PTGR2: variants seen among roughly 807,000 people sequenced by gnomAD.
PTGR2 encodes prostaglandin reductase 2.
A neutral mutation model predicts 43.4 loss-of-function variants in PTGR2; 32 were observed. The observed-to-expected ratio is 0.74, with a 90% CI of 0.56 to 0.99. PTGR2 has a LOEUF of 0.99. Among genes scored for constraint, PTGR2 ranks in the 50% least tolerant of loss-of-function variants. The pLI is 0.00. For synonymous variants in PTGR2, 106 were observed against 139.2 expected (o/e 0.76, Z 1.68); for missense variants, 373 against 420.0 (o/e 0.89, Z 0.98).
chr14:73,882,876 A>G (rs939446585), intron 9 of PTGR2, among the ~76,000 whole-genome samples: 4 of 119,032 alleles, frequency 3.4e-5, no homozygotes, highest in South Asian at 5.4e-4. Flanking sequence ...GCTGGAGTGC[A>G]GTGGTATGAT....
intron 1 of PTGR2, among the ~76,000 whole-genome samples, chr14:73,856,064 A>G (rs996595969): frequency 6.6e-6 from 1 of 151,262 alleles, no homozygotes; most frequent in East Asian, 2.0e-4. Flanking sequence ...TCAAAAAAAA[A>G]AGAAAGAAAT....
At chr14:73,853,483 G>A (rs545947040) in intron 1 of PTGR2, among the ~76,000 whole-genome samples, 3 of 151,716 alleles carry the variant, frequency 2.0e-5, no homozygotes, top group Non-Finnish European at 2.9e-5. Flanking sequence ...CCACCACGCC[G>A]GGCTGATTTT....
chr14:73,864,062 A>G (rs564745584), intron 3 of PTGR2, among the ~76,000 whole-genome samples: 1 of 152,236 alleles, frequency 6.6e-6, no homozygotes, highest in East Asian at 1.9e-4. Context: ...CTGGCATAAT[A>G]TATGACCTTT....
chr14:73,864,010 A>G (rs2054550431), intron 3 of PTGR2, among the ~76,000 whole-genome samples: 1 of 152,160 alleles, frequency 6.6e-6, no homozygotes, highest in African/African-American at 2.4e-5. Flanking sequence ...CTCCTGCCTC[A>G]GCCTCCTGAG....
At chr14:73,875,870 G>A (rs945013836) in intron 4 of PTGR2, among the ~76,000 whole-genome samples, 35 of 132,930 alleles carry the variant, frequency 2.6e-4, no homozygotes, top group African/African-American at 9.0e-4. Flanking sequence ...CGCCCAGGCT[G>A]GAGTGCAGTG....
At chr14:73,880,593 A>C (rs111609763) in intron 7 of PTGR2, among the ~76,000 whole-genome samples, 2,677 of 130,518 alleles carry the variant, frequency 0.021, 42 homozygotes, top group South Asian at 0.038. Context: ...AAAACAAAAA[A>C]AAAAAAACAA....
rs902234069 is a variant in PTGR2, at chr14:73,884,387, T to C, written c.*210T>C. 1 of 382,302 alleles carries C rather than the reference T, an allele frequency of 2.6e-6. No homozygotes were observed. The allele number at this position is 382,302 out of a possible 1,614,324, so 23.7% of individuals were successfully genotyped here. A position where few individuals can be genotyped will look rare whatever the true frequency, so the allele number is the denominator to read the frequency against. On this transcript the variant is annotated 3_prime_UTR_variant, in exon 10 of 10. Transcript: ENST00000555661. The stretch of plus-strand genomic sequence containing the variant: ...ATTAATAACTTTTAGTAATTACTTT[T>C]ATTAATTTAAAATAGAACGCTTGAG...
At chr14:73,856,750 T>G (rs1566633514) in intron 1 of PTGR2, among the ~76,000 whole-genome samples, 1 of 152,204 alleles carries the variant, frequency 6.6e-6, no homozygotes, top group Non-Finnish European at 1.5e-5. Flanking sequence ...GTAAGTATAC[T>G]CTGATGTTCA....
intron 1 of PTGR2, among the ~76,000 whole-genome samples, chr14:73,854,583 A>G (rs2054301559): frequency 6.6e-6 from 1 of 152,244 alleles, no homozygotes; most frequent in Non-Finnish European, 1.5e-5. Flanking sequence ...TAATATACAT[A>G]TTAATATGTT....
intron 3 of PTGR2, among the ~76,000 whole-genome samples, chr14:73,867,873 G>C (rs1333874425): frequency 6.6e-6 from 1 of 152,186 alleles, no homozygotes; most frequent in African/African-American, 2.4e-5. Flanking sequence ...ACTGCAGCCA[G>C]AATGCCAGAG....
intron 3 of PTGR2, among the ~76,000 whole-genome samples, chr14:73,864,880 C>T (rs539189289): frequency 4.6e-5 from 7 of 152,178 alleles, no homozygotes; most frequent in Non-Finnish European, 8.8e-5. Flanking sequence ...CTTTGCCTCA[C>T]TTAAGGTCAT....
chr14:73,870,877 A>T (rs2054711103), intron 3 of PTGR2, among the ~76,000 whole-genome samples: 1 of 152,190 alleles, frequency 6.6e-6, no homozygotes, highest in Non-Finnish European at 1.5e-5. Context: ...GTTTAGCTAT[A>T]GGGAATTACT....
At chr14:73,876,601 G>A (rs2054871682) in intron 4 of PTGR2, among the ~76,000 whole-genome samples, 1 of 150,292 alleles carries the variant, frequency 6.7e-6, no homozygotes, top group Non-Finnish European at 1.5e-5. Context: ...TCAGCCTCCT[G>A]AGTAGCTGGG....
At chr14:73,852,315 G>C (rs2054248017) in intron 1 of PTGR2, among the ~76,000 whole-genome samples, 1 of 152,194 alleles carries the variant, frequency 6.6e-6, no homozygotes, top group Non-Finnish European at 1.5e-5. Flanking sequence ...AGGTTGGAGT[G>C]CAGTGGCGCG....
At chr14:73,883,375 A>C (rs1408698709) in intron 9 of PTGR2, among the ~76,000 whole-genome samples, 2 of 141,236 alleles carry the variant, frequency 1.4e-5, no homozygotes, top group African/African-American at 5.2e-5. Flanking sequence ...TTTTTTTTTT[A>C]ATTTTCCATA....
At chr14:73,854,867 T>C (rs1236549821) in intron 1 of PTGR2, among the ~76,000 whole-genome samples, 1 of 152,218 alleles carries the variant, frequency 6.6e-6, no homozygotes. Flanking sequence ...TTAAAGATTC[T>C]TGCCTGAAAA....
chr14:73,874,205 C>A lies in PTGR2; in HGVS notation c.339C>A (p.Ser113Arg), dbSNP rs1306275329. Residue 113 changes from serine (S) to arginine (R), a missense_variant, in exon 4 of 10, where the codon AGC (serine) becomes AGA (arginine). Physicochemically the swap from Ser to Arg is moderately radical, Grantham distance 110 (BLOSUM62 -1). Transcript: ENST00000555661. ...CCAAGGTTATTCTGGATGGAAATAG[C>A]CTTGAAAAGGTGATATATATATGAA... ...WQTKVILDGN[S>R]LEKVDPQLVD... The A allele has an allele frequency of 6.2e-7, 1 of 1,610,276 alleles. No homozygotes were observed. Among genetic ancestry groups the A allele is most frequent in the Non-Finnish European group, 8.5e-7 (1 of 1,178,196 alleles).
intron 4 of PTGR2, among the ~76,000 whole-genome samples, chr14:73,876,225 T>C (rs541149831): frequency 5.3e-5 from 8 of 152,340 alleles, no homozygotes; most frequent in African/African-American, 1.9e-4. Context: ...CTATAAACCA[T>C]ATTGGGTTAT....
At chr14:73,880,491 C>T (rs927253732) in intron 7 of PTGR2, among the ~76,000 whole-genome samples, 1 of 151,150 alleles carries the variant, frequency 6.6e-6, no homozygotes, top group African/African-American at 2.4e-5. Flanking sequence ...AGGAGAATCA[C>T]TTGAACCTGG....
Sources: allele counts gnomAD v4.1 joint callset (sites outside exome capture counted in the v4.1 genomes callset), GRCh38; gene constraint gnomAD v4.1.1; transcripts MANE v1.5; gene names NCBI Gene and HGNC (gene_info 2026-07-23, HGNC 2026-07-21).